TENM2: variants seen among roughly 807,000 people sequenced by gnomAD.
TENM2 encodes the protein teneurin transmembrane protein 2.
A neutral mutation model predicts 245.2 loss-of-function variants in TENM2; 52 were observed. The ratio of observed to expected loss-of-function variants is 0.21; its 90% CI spans 0.17 to 0.27. The LOEUF (loss-of-function observed/expected upper bound fraction) is 0.27, where lower values mean the gene tolerates loss of function less well. TENM2 is among the 10% of genes least tolerant of loss of function. The pLI, the probability that TENM2 is intolerant of heterozygous loss-of-function variation, is 1.00. For missense variants in TENM2, 3,046 were observed against 3,666.8 expected, an observed-to-expected ratio of 0.83 and a Z score of 4.37; for synonymous variants, 1,363 against 1,438.9, an observed-to-expected ratio of 0.95 and a Z score of 1.19.
the TENM2 span, among the ~76,000 whole-genome samples, chr5:167,116,872 G>A: frequency 2.6e-5 from 4 of 152,108 alleles, no homozygotes; most frequent in African/African-American, 9.7e-5. Flanking sequence ...AAATGTTCAG[G>A]CTATCTTGTC....
the TENM2 span, among the ~76,000 whole-genome samples, chr5:167,246,774 CGGG>C: frequency 6.6e-6 from 1 of 151,674 alleles, no homozygotes; most frequent in Non-Finnish European, 1.5e-5. Context: ...TTGGTTGGCG[CGGG>C]GTGTGGATGG....
At chr5:167,391,623 A>AG (rs1761760368) in intron 2 of TENM2, among the ~76,000 whole-genome samples, 1 of 57,790 alleles carries the variant, frequency 1.7e-5, no homozygotes, top group South Asian at 7.2e-4. Context: ...AGACTTCATC[A>AG]AAAAAAAAAA....
At chr5:167,204,086 A>G in the TENM2 span, among the ~76,000 whole-genome samples, 1 of 151,964 alleles carries the variant, frequency 6.6e-6, no homozygotes, top group African/African-American at 2.4e-5. Context: ...TTTGCATCCC[A>G]GTGTCTTTGT....
Position 167,406,794 on chromosome 5 carries a change from T to G in TENM2, c.502+31321T>G, listed in dbSNP as rs569080063. Among the ~76,000 whole-genome samples the G allele has an allele frequency of 2.0e-5, 3 of 152,260 alleles. No individual in the cohort carries two copies. In the South Asian group the frequency reaches 6.2e-4, roughly 32 times the overall value. ...GCTTCCCTGGGGAAGGTCTTATTTC[T>G]GTATGTTTGGAAATACCTACTTACT... is the stretch of plus-strand genomic sequence containing the variant. On this transcript the variant is annotated intron_variant, in intron 2 of 28. Coordinates refer to ENST00000518659, the Ensembl canonical transcript of TENM2.
the TENM2 span, among the ~76,000 whole-genome samples, chr5:167,102,861 TGTTGGCCAG>T: frequency 6.6e-6 from 1 of 152,196 alleles, no homozygotes; most frequent in African/African-American, 2.4e-5. Flanking sequence ...GGTTTCAGCA[TGTTGGCCAG>T]GCTGGCCTCA....
At position 167,658,595 on chromosome 5, in the gene TENM2, T is replaced by C. The variant is rs1454244722; in HGVS notation, c.503-217391T>C. ...ACAGTGAAGAATAAGTTTCAACCCA[T>C]GACTTTTGGAGGATATTCAGACCAC... On this transcript the variant is annotated intron_variant, in intron 2 of 28. Transcript: ENST00000518659. Among the ~76,000 whole-genome samples, 3 of 152,156 alleles carry C rather than the reference T, an allele frequency of 2.0e-5. No homozygotes were observed. The East Asian group carries it at 5.8e-4, about 29-fold the overall frequency.
chr5:167,027,037 C>A, the TENM2 span, among the ~76,000 whole-genome samples: 168 of 152,174 alleles, frequency 1.1e-3, no homozygotes, highest in African/African-American at 3.9e-3. Context: ...TGGAGTAAGA[C>A]CCCAGAATAG....
intron 9 of TENM2, among the ~76,000 whole-genome samples, chr5:168,117,573 C>T (rs765105081): frequency 1.3e-5 from 2 of 152,148 alleles, no homozygotes; most frequent in Non-Finnish European, 2.9e-5. Flanking sequence ...GATGTAATTT[C>T]TCTAAATTCC....
At chr5:167,821,995 C>T (rs1026215888) in intron 2 of TENM2, among the ~76,000 whole-genome samples, 5 of 151,942 alleles carry the variant, frequency 3.3e-5, no homozygotes, top group African/African-American at 9.7e-5. Context: ...TGGATAAAGG[C>T]GAAACAGGGT....
At chr5:167,734,760 G>A (rs887905177) in intron 2 of TENM2, among the ~76,000 whole-genome samples, 8 of 152,060 alleles carry the variant, frequency 5.3e-5, no homozygotes, top group Admixed American at 2.6e-4. Flanking sequence ...TTGACCTACC[G>A]CCCTCTTTTG....
chr5:167,137,407 T>G, the TENM2 span, among the ~76,000 whole-genome samples: 1 of 152,236 alleles, frequency 6.6e-6, no homozygotes, highest in African/African-American at 2.4e-5. Context: ...GGTGAAACCA[T>G]AAAATAAAAA....
Position 168,045,016 on chromosome 5 carries a change from C to T in TENM2, c.1187-2411C>T, listed in dbSNP as rs1008640339. ...GTGGTTATACCCCAGATATAATTCT[C>T]ACTTATTTACTTAATGTTCAGTTCA... is the stretch of plus-strand genomic sequence containing the variant. On this transcript the variant is annotated intron_variant, in intron 5 of 28. Coordinates refer to ENST00000518659, the Ensembl canonical transcript of TENM2. Among the ~76,000 whole-genome samples, 17 of 151,464 alleles carry T rather than the reference C, an allele frequency of 1.1e-4. 1 individual carries two copies.
exon 7 of TENM2, chr5:168,062,161 A>C (rs746745422): frequency 6.2e-7 from 1 of 1,613,766 alleles, no homozygotes; most frequent in East Asian, 2.2e-5. Flanking sequence ...GAGGTCACAA[A>C]TTCACATCAG....
chr5:167,579,184 A>T (rs911667982), intron 2 of TENM2, among the ~76,000 whole-genome samples: 4 of 152,218 alleles, frequency 2.6e-5, no homozygotes, highest in South Asian at 2.1e-4. Flanking sequence ...TCACTCATGC[A>T]CTTGACTGCA....
intron 18 of TENM2, 77 bp from the exon 21 acceptor site, chr5:168,204,295 C>A: frequency 6.8e-7 from 1 of 1,478,752 alleles, no homozygotes; most frequent in Non-Finnish European, 9.1e-7. Context: ...TGTCTCTTCC[C>A]CTCCCTCCCA....
At chr5:167,814,453 CAAAAAA>C (rs11324953) in intron 2 of TENM2, among the ~76,000 whole-genome samples, 18 of 83,942 alleles carry the variant, frequency 2.1e-4, no homozygotes, top group East Asian at 1.3e-3. Flanking sequence ...CACTCCGATT[CAAAAAA>C]AAAAAAAAAA....
At chr5:167,876,449 T>G (rs1163227378) in intron 3 of TENM2, among the ~76,000 whole-genome samples, 1 of 152,138 alleles carries the variant, frequency 6.6e-6, no homozygotes, top group Non-Finnish European at 1.5e-5. Context: ...CATTGCTACA[T>G]GTGTGAGCAT....
chr5:168,075,030 C>T (rs1372301594), intron 7 of TENM2, among the ~76,000 whole-genome samples: 2 of 152,148 alleles, frequency 1.3e-5, no homozygotes, highest in African/African-American at 2.4e-5. Context: ...TTGGTGCACC[C>T]ATCACCCAAG....
chr5:167,410,207 T>A (rs1041053507), intron 2 of TENM2, among the ~76,000 whole-genome samples: 11 of 151,986 alleles, frequency 7.2e-5, no homozygotes, highest in African/African-American at 2.7e-4. Flanking sequence ...TAAAATATGT[T>A]TGAATTTGTC....
Sources: gnomAD v4.1 joint callset for allele counts (sites outside exome capture counted in the v4.1 genomes callset) on GRCh38, gnomAD v4.1.1 for gene constraint, MANE v1.5 for transcripts, NCBI Gene and HGNC (gene_info 2026-07-23, HGNC 2026-07-21) for gene names.